Variants in TMEM117 observed in about 807,000 individuals in gnomAD.
TMEM117 encodes the protein transmembrane protein 117.
In TMEM117, 27 loss-of-function variants were observed where a neutral mutation model predicts 52.4. That is an observed-to-expected ratio of 0.51 (90% CI 0.38 to 0.71). The LOEUF (loss-of-function observed/expected upper bound fraction) is 0.71. Ranked by LOEUF, TMEM117 falls within the 30% of genes least tolerant of loss-of-function variation. The probability of loss-of-function intolerance (pLI) is 0.00; values close to 1 mark genes in which losing one functional copy is unlikely to be tolerated. For missense variants in TMEM117, 556 were observed against 630.5 expected, an observed-to-expected ratio of 0.88 and a Z score of 1.26; for synonymous variants, 215 against 206.3, an observed-to-expected ratio of 1.04 and a Z score of -0.36.
At chr12:44,280,690 G>C (rs1950566590) in intron 5 of TMEM117, among the ~76,000 whole-genome samples, 1 of 151,688 alleles carries the variant, frequency 6.6e-6, no homozygotes, top group African/African-American at 2.4e-5. Context: ...TATCATGGTG[G>C]TTGCTCAAAA....
the TMEM117 span, among the ~76,000 whole-genome samples, chr12:43,828,039 T>A: frequency 6.6e-6 from 1 of 152,172 alleles, no homozygotes; most frequent in African/African-American, 2.4e-5. Context: ...TCAGAGGGAA[T>A]GTGATCCTAC....
At chr12:43,953,161 G>A (rs556483698) in intron 3 of TMEM117, among the ~76,000 whole-genome samples, 4 of 152,076 alleles carry the variant, frequency 2.6e-5, no homozygotes, top group African/African-American at 7.2e-5. Context: ...CACTAAATAC[G>A]GATAGGAAAA....
At chr12:44,339,264 G>A (rs1048491112) in intron 6 of TMEM117, among the ~76,000 whole-genome samples, 1 of 152,006 alleles carries the variant, frequency 6.6e-6, no homozygotes, top group African/African-American at 2.4e-5. Context: ...ATTGCAGGTA[G>A]AATCCAAGCT....
At chr12:44,012,902 T>C (rs1468744225) in intron 3 of TMEM117, among the ~76,000 whole-genome samples, 2 of 152,166 alleles carry the variant, frequency 1.3e-5, no homozygotes, top group Non-Finnish European at 1.5e-5. Flanking sequence ...CATGATGTAC[T>C]GGGTAGAAAG....
chr12:43,820,333 G>A, the TMEM117 span, among the ~76,000 whole-genome samples: 1 of 152,118 alleles, frequency 6.6e-6, no homozygotes, highest in Non-Finnish European at 1.5e-5. Flanking sequence ...GAGTGCAGTG[G>A]CACAGTCGCC....
At chr12:44,373,400 A>G (rs1368300984) in intron 6 of TMEM117, among the ~76,000 whole-genome samples, 1 of 152,222 alleles carries the variant, frequency 6.6e-6, no homozygotes, top group African/African-American at 2.4e-5. Context: ...GTGCTCTGCA[A>G]TGGATAAGGG....
chr12:43,887,800 C>T (rs1165537198), intron 2 of TMEM117, among the ~76,000 whole-genome samples: 1 of 152,174 alleles, frequency 6.6e-6, no homozygotes, highest in Non-Finnish European at 1.5e-5. Flanking sequence ...TCAAGAACAA[C>T]AGTGATGAGA....
intron 6 of TMEM117, among the ~76,000 whole-genome samples, chr12:44,336,078 T>G (rs1273104169): frequency 6.6e-6 from 1 of 152,080 alleles, no homozygotes; most frequent in African/African-American, 2.4e-5. Context: ...TGATTCATAC[T>G]TTGCGCCACA....
intron 2 of TMEM117, among the ~76,000 whole-genome samples, chr12:43,899,154 T>C (rs1474239169): frequency 6.6e-6 from 1 of 152,246 alleles, no homozygotes; most frequent in Non-Finnish European, 1.5e-5. Context: ...AGATTCATAT[T>C]GCTTGAAGTC....
intron 6 of TMEM117, among the ~76,000 whole-genome samples, chr12:44,359,120 T>A (rs1951688887): frequency 5.9e-5 from 9 of 151,602 alleles, no homozygotes; most frequent in Admixed American, 5.9e-4. Flanking sequence ...AAAAGCAAGA[T>A]GGAATGAAAG....
At chr12:43,865,355 A>G (rs1255243773) in intron 2 of TMEM117, among the ~76,000 whole-genome samples, 4 of 152,210 alleles carry the variant, frequency 2.6e-5, no homozygotes, top group Admixed American at 1.3e-4. Context: ...AGAAATAAAC[A>G]ATACATCCTT....
chr12:44,308,405 G>A (rs1187354619), intron 6 of TMEM117, among the ~76,000 whole-genome samples: 2 of 152,046 alleles, frequency 1.3e-5, no homozygotes, highest in Non-Finnish European at 2.9e-5. Flanking sequence ...TGTCAAGGTT[G>A]GCCCTGGAAG....
At chr12:43,955,821 G>T (rs959103171) in intron 3 of TMEM117, among the ~76,000 whole-genome samples, 1 of 152,080 alleles carries the variant, frequency 6.6e-6, no homozygotes, top group Non-Finnish European at 1.5e-5. Context: ...AAAAGAGCTC[G>T]CATAGCTAAA....
chr12:44,209,450 G>C (rs1479347565), intron 4 of TMEM117, among the ~76,000 whole-genome samples: 1 of 152,078 alleles, frequency 6.6e-6, no homozygotes, highest in Non-Finnish European at 1.5e-5. Flanking sequence ...AATCATCGAT[G>C]AACTAGTTTC....
At chr12:44,064,528 T>C (rs1947191445) in intron 3 of TMEM117, among the ~76,000 whole-genome samples, 1 of 152,160 alleles carries the variant, frequency 6.6e-6, no homozygotes, top group African/African-American at 2.4e-5. Context: ...GTGTGCTTTG[T>C]CCATCTGTTA....
At chr12:44,286,043 A>G (rs1370545492) in intron 5 of TMEM117, among the ~76,000 whole-genome samples, 1 of 152,146 alleles carries the variant, frequency 6.6e-6, no homozygotes, top group Non-Finnish European at 1.5e-5. Flanking sequence ...TAAGTTTGCT[A>G]TCCCACTTCA....
At chr12:43,990,429 G>A (rs1470360410) in intron 3 of TMEM117, among the ~76,000 whole-genome samples, 6 of 152,112 alleles carry the variant, frequency 3.9e-5, no homozygotes, top group Non-Finnish European at 7.4e-5. Context: ...AAAAAAGATG[G>A]AATTGAGCAC....
At chr12:44,297,693 G>C (rs926491028) in intron 5 of TMEM117, among the ~76,000 whole-genome samples, 4 of 152,088 alleles carry the variant, frequency 2.6e-5, no homozygotes, top group African/African-American at 9.7e-5. Context: ...CTTCATCAAG[G>C]TTGCTATATT....
At chr12:43,868,588 A>C (rs984194157) in intron 2 of TMEM117, among the ~76,000 whole-genome samples, 7 of 148,856 alleles carry the variant, frequency 4.7e-5, no homozygotes, top group Admixed American at 1.3e-4. Flanking sequence ...AAAAAAAAAA[A>C]CACACACACT....
Sources: allele counts gnomAD v4.1 joint callset (sites outside exome capture counted in the v4.1 genomes callset), GRCh38; gene constraint gnomAD v4.1.1; transcripts MANE v1.5; gene names NCBI Gene and HGNC (gene_info 2026-07-23, HGNC 2026-07-21).